Variants in SEMA3A observed in about 807,000 individuals in gnomAD.
The protein encoded by SEMA3A is semaphorin-3A.
A neutral mutation model predicts 97.9 loss-of-function variants in SEMA3A; 29 were observed. The ratio of observed to expected loss-of-function variants is 0.30; its 90% CI spans 0.22 to 0.40. SEMA3A has a LOEUF of 0.40. Among genes scored for constraint, SEMA3A ranks in the 10% least tolerant of loss-of-function variants. SEMA3A has a pLI of 1.00. For missense variants in SEMA3A, 763 were observed against 951.3 expected, an observed-to-expected ratio of 0.80 and a Z score of 2.60; for synonymous variants, 321 against 323.7, an observed-to-expected ratio of 0.99 and a Z score of 0.09.
chr7:83,965,922 G>A (rs967477210), intron 15 of SEMA3A, among the ~76,000 whole-genome samples: 3 of 149,272 alleles, frequency 2.0e-5, no homozygotes, highest in East Asian at 2.0e-4. Flanking sequence ...CTCGTGATCC[G>A]CCCACCTCAG....
chr7:84,313,372 A>ATATGTGTG (rs1554362712), intron 2 of SEMA3A, among the ~76,000 whole-genome samples: 1 of 43,232 alleles, frequency 2.3e-5, no homozygotes, highest in Non-Finnish European at 6.0e-5. Flanking sequence ...ATATATATAT[A>ATATGTGTG]TATATATATA....
intron 1 of SEMA3A, among the ~76,000 whole-genome samples, chr7:84,182,739 A>G (rs1476077092): frequency 1.3e-5 from 2 of 152,098 alleles, no homozygotes; most frequent in Non-Finnish European, 2.9e-5. Flanking sequence ...ATTTAGCTTC[A>G]CCTAAATGAA....
At chr7:84,164,664 G>A (rs528367368) in intron 1 of SEMA3A, among the ~76,000 whole-genome samples, 2 of 152,246 alleles carry the variant, frequency 1.3e-5, no homozygotes, top group African/African-American at 4.8e-5. Context: ...GTGAGAAAAT[G>A]TATGTTATGT....
chr7:84,379,702 A>G (rs1803205369), intron 1 of SEMA3A, among the ~76,000 whole-genome samples: 1 of 152,208 alleles, frequency 6.6e-6, no homozygotes. Context: ...AAAAAGAAAA[A>G]AAAGAAAAAC....
At chr7:84,356,321 T>C (rs778228555) in intron 2 of SEMA3A, among the ~76,000 whole-genome samples, 5 of 151,704 alleles carry the variant, frequency 3.3e-5, no homozygotes, top group Admixed American at 6.6e-5. Context: ...TATAACTAAA[T>C]GCAAATTAAT....
intron 14 of SEMA3A, among the ~76,000 whole-genome samples, chr7:83,980,707 A>G (rs1441003598): frequency 6.7e-6 from 1 of 149,830 alleles, no homozygotes; most frequent in Non-Finnish European, 1.5e-5. Context: ...TATATATTGC[A>G]TATGCACAGA....
chr7:84,058,836 T>G (rs1005195589), intron 5 of SEMA3A, among the ~76,000 whole-genome samples: 15 of 152,300 alleles, frequency 9.8e-5, no homozygotes, highest in Non-Finnish European at 2.1e-4. Context: ...CTATATAGCT[T>G]TTTCAAAGAT....
chr7:84,437,237 T>TA (rs1305055352), intron 1 of SEMA3A, among the ~76,000 whole-genome samples: 1 of 151,898 alleles, frequency 6.6e-6, no homozygotes, highest in Non-Finnish European at 1.5e-5. Context: ...TCAGTTACAA[T>TA]AAAAAAGGAA....
chr7:84,215,332 C>A (rs1035024511), intron 3 of SEMA3A, among the ~76,000 whole-genome samples: 14 of 151,190 alleles, frequency 9.3e-5, no homozygotes, highest in African/African-American at 3.4e-4. Flanking sequence ...ATTATAGGCA[C>A]CTGCTACCAC....
chr7:84,113,192 G>C (rs1789869812), intron 3 of SEMA3A, among the ~76,000 whole-genome samples: 1 of 152,182 alleles, frequency 6.6e-6, no homozygotes, highest in South Asian at 2.1e-4. Context: ...GTTGAGAGGA[G>C]ACTCATCGAA....
At chr7:84,116,418 T>C (rs1795433119) in intron 3 of SEMA3A, among the ~76,000 whole-genome samples, 1 of 152,088 alleles carries the variant, frequency 6.6e-6, no homozygotes, top group Admixed American at 6.6e-5. Context: ...GAAAGAACTT[T>C]TACAATATAA....
At chr7:84,152,571 T>C (rs572777648) in intron 1 of SEMA3A, among the ~76,000 whole-genome samples, 3 of 130,420 alleles carry the variant, frequency 2.3e-5, no homozygotes, top group Non-Finnish European at 3.2e-5. Context: ...AGGGATAGCA[T>C]TGGGAGATAT....
At position 84,054,076 on chromosome 7, in the gene SEMA3A, A is replaced by T. The variant is rs1338724424; in HGVS notation, c.547+6389T>A. Reference sequence around the variant, plus strand: ...TCTGGCTTGTAGGGTTTCTGCTGAGAGATCCGCTGTTAGTCTGATGGGCTT... The same window carrying T: ...TCTGGCTTGTAGGGTTTCTGCTGAGTGATCCGCTGTTAGTCTGATGGGCTT... On this transcript the variant is annotated intron_variant, in intron 5 of 16. Transcript: ENST00000265362. Among the ~76,000 whole-genome samples, 127 of 151,764 alleles carry T rather than the reference A, an allele frequency of 8.4e-4. No homozygotes were observed. In the South Asian group the frequency reaches 0.025, roughly 30 times the overall value.
At chr7:84,147,227 T>C (rs933531113) in intron 1 of SEMA3A, among the ~76,000 whole-genome samples, 5 of 152,212 alleles carry the variant, frequency 3.3e-5, no homozygotes, top group African/African-American at 4.8e-5. Context: ...ACCTGTTGCA[T>C]ATGTCTACTA....
intron 14 of SEMA3A, 21 bp downstream of exon 14, chr7:83,981,300 T>A: frequency 6.2e-7 from 1 of 1,610,822 alleles, no homozygotes. Context: ...ACATTTCATT[T>A]ATTTTGAATA....
rs79710457 is a variant in SEMA3A at position 84,468,191 on chromosome 7, C to G, written c.-246+24269G>C. Among the ~76,000 whole-genome samples, 89 of 152,292 alleles carry G rather than the reference C, an allele frequency of 5.8e-4. 1 individual carries two copies. Among genetic ancestry groups the G allele is most frequent in the African/African-American group, 2.1e-3 (87 of 41,572 alleles). On this transcript the variant is annotated intron_variant, in intron 1 of 3. Transcript: ENST00000424555. ...TACTGTATTTTTAAATTGGAACACT[C>G]TCTTCCCCCCACATTTTGGGATATT...
At chr7:84,345,859 T>C (rs183529785) in intron 2 of SEMA3A, among the ~76,000 whole-genome samples, 1 of 152,332 alleles carries the variant, frequency 6.6e-6, no homozygotes, top group Admixed American at 6.5e-5. Context: ...CCTCCTCCCA[T>C]GAACTACAAA....
intron 1 of SEMA3A, among the ~76,000 whole-genome samples, chr7:84,476,184 G>T (rs970638423): frequency 6.6e-6 from 1 of 151,664 alleles, no homozygotes; most frequent in Non-Finnish European, 1.5e-5. Context: ...GTGAAACCCC[G>T]TCTCTACTAA....
At chr7:84,479,595 A>G (rs921969646) in intron 1 of SEMA3A, among the ~76,000 whole-genome samples, 1 of 152,202 alleles carries the variant, frequency 6.6e-6, no homozygotes, top group African/African-American at 2.4e-5. Flanking sequence ...ATGCTATAGA[A>G]TTCAGAGGAG....
Sources: allele counts gnomAD v4.1 joint callset (sites outside exome capture counted in the v4.1 genomes callset), GRCh38; gene constraint gnomAD v4.1.1; transcripts MANE v1.5; gene names NCBI Gene and HGNC (gene_info 2026-07-23, HGNC 2026-07-21).